Variants in ZNF395 observed in about 807,000 individuals in gnomAD.
ZNF395 encodes HD gene regulatory region-binding protein 2.
A neutral mutation model predicts 57.7 loss-of-function variants in ZNF395; 20 were observed. The ratio of observed to expected loss-of-function variants is 0.35; its 90% CI spans 0.24 to 0.50. ZNF395 has a LOEUF of 0.50. Ranked by LOEUF, ZNF395 falls within the 20% of genes least tolerant of loss-of-function variation. The pLI is 0.97. For missense variants in ZNF395, 606 were observed against 671.2 expected, an observed-to-expected ratio of 0.90 and a Z score of 1.07; for synonymous variants, 295 against 275.9, an observed-to-expected ratio of 1.07 and a Z score of -0.69.
intron 1 of ZNF395, among the ~76,000 whole-genome samples, chr8:28,371,547 G>C (rs1310794307): frequency 1.3e-5 from 2 of 152,180 alleles, no homozygotes; most frequent in African/African-American, 4.8e-5. Context: ...GACCAAACTA[G>C]ATGACCACAT....
chr8:28,381,199 G>A (rs1167573968), intron 1 of ZNF395, among the ~76,000 whole-genome samples: 2 of 152,022 alleles, frequency 1.3e-5, no homozygotes, highest in Non-Finnish European at 2.9e-5. Flanking sequence ...CCACCACCAC[G>A]CCCGGCTAAT....
At chr8:28,372,404 C>T (rs979590172) in intron 1 of ZNF395, among the ~76,000 whole-genome samples, 6 of 152,062 alleles carry the variant, frequency 3.9e-5, no homozygotes, top group East Asian at 1.9e-4. Flanking sequence ...CCAAACCTAT[C>T]GGAAAATTAT....
Position 28,356,206 on chromosome 8 carries a change from C to T in ZNF395, c.583+464G>A, listed in dbSNP as rs1426561102. Among the ~76,000 whole-genome samples the T allele has an allele frequency of 2.0e-5, 3 of 152,204 alleles. No individual in the cohort carries two copies. Among genetic ancestry groups the T allele is most frequent in the Non-Finnish European group, 4.4e-5 (3 of 68,040 alleles). On this transcript the variant is annotated intron_variant, in intron 4 of 9. Transcript: ENST00000344423. The surrounding 1 kb of genome is among the most constrained non-coding windows in gnomAD (Gnocchi z 4.0). ...CAATTAGATTTACTTTAGAATTTAG[C>T]TCATTTATTCCGGGTCCTTGTCCCA...
chr8:28,385,631 GGGGCGCGGGAGGGCC>G (rs970776129), intron 1 of ZNF395, among the ~76,000 whole-genome samples: 152 of 149,516 alleles, frequency 1.0e-3, no homozygotes, highest in Middle Eastern at 3.4e-3. Flanking sequence ...AGAAACGCGC[GGGGCGCGGGAGGGCC>G]GGGCGCGGGA....
intron 7 of ZNF395, 185 bp downstream of exon 7, chr8:28,351,310 A>G (rs1801679142): frequency 1.2e-5 from 7 of 597,874 alleles, no homozygotes; most frequent in Non-Finnish European, 1.9e-5. Flanking sequence ...GCCAATGTAG[A>G]TAACTCCAGG....
chr8:28,348,435 A>G lies in ZNF395; in HGVS notation c.*284T>C. The G allele has an allele frequency of 2.5e-6, 1 of 403,664 alleles. No individual in the cohort carries two copies. Among genetic ancestry groups the G allele is most frequent in the Admixed American group, 3.8e-5 (1 of 26,446 alleles). The allele number at this position is 403,664 out of a possible 1,614,324, so 25.0% of individuals were successfully genotyped here. ...TAGAGAGTGGGGATGTGGGAAACGG[A>G]GGGTAATTAATTCTTTGGTCACTGG... On this transcript the variant is annotated 3_prime_UTR_variant, in exon 10 of 10. Coordinates refer to ENST00000344423, the MANE Select transcript of ZNF395 (RefSeq NM_018660.3).
intron 1 of ZNF395, among the ~76,000 whole-genome samples, chr8:28,380,872 G>A (rs1802100220): frequency 6.6e-6 from 1 of 152,202 alleles, no homozygotes; most frequent in African/African-American, 2.4e-5. Context: ...CTTTGAGACA[G>A]GGTCTCACTG....
rs532611870 is a variant in ZNF395, at chr8:28,356,571, T to C, written c.583+99A>G. 6 of 804,172 alleles carry C rather than the reference T, an allele frequency of 7.5e-6. No homozygotes were observed. The highest frequency in any genetic ancestry group is 1.2e-5 in the Non-Finnish European group (6 of 501,788). The allele number at this position is 804,172 out of a possible 1,614,324, so 49.8% of individuals were successfully genotyped here. On this transcript the variant is annotated intron_variant, in intron 4 of 9. Coordinates refer to ENST00000344423, the MANE Select transcript of ZNF395 (RefSeq NM_018660.3). This position sits in a 1 kb window ranked among gnomAD's most constrained non-coding sequence, Gnocchi z 4.0. ...TGGGAGGTGTCCCTGGACATTCTAT[T>C]GCCAGGCTGGTGACATAGGCAACTA...
rs1801636787 is a variant in ZNF395, at chr8:28,348,569, T to C, written c.*150A>G. 7.6e-6 allele frequency: 5 copies of C among 653,706 alleles called. No individual in the cohort carries two copies. The highest frequency in any genetic ancestry group is 5.7e-5 in the Admixed American group (2 of 35,120). The allele number at this position is 653,706 out of a possible 1,614,324, so 40.5% of individuals were successfully genotyped here. A position where few individuals can be genotyped will look rare whatever the true frequency, so the allele number is the denominator to read the frequency against. ...AAAATGTTCGCACAATGGGAGAAAA[T>C]TGCTTTAAGTGTTACACCTTAGCCA... On this transcript the variant is annotated 3_prime_UTR_variant, in exon 10 of 10. Transcript: ENST00000344423.
At chr8:28,372,800 T>TA (rs1478954610) in intron 1 of ZNF395, among the ~76,000 whole-genome samples, 8 of 152,040 alleles carry the variant, frequency 5.3e-5, no homozygotes, top group Non-Finnish European at 7.4e-5. Context: ...CCGGCGGGGA[T>TA]AAAAAAAGAT....
chr8:28,359,932 G>A lies in ZNF395; in HGVS notation c.241-108C>T. ...CCAGGATCTGCCTGCCACAAACCAT[G>A]TTCTCTGCCTCACTCATCTTTTATT... On this transcript the variant is annotated intron_variant, in intron 2 of 9. Transcript: ENST00000344423. The surrounding 1 kb of genome is among the most constrained non-coding windows in gnomAD (Gnocchi z 4.7). 1 of 1,468,918 alleles carries A rather than the reference G, an allele frequency of 6.8e-7. No individual in the cohort carries two copies. The highest frequency in any genetic ancestry group is 2.4e-5 in the East Asian group (1 of 41,442). The allele number at this position is 1,468,918 out of a possible 1,614,324, so 91.0% of individuals were successfully genotyped here.
At chr8:28,358,272 G>A (rs1285634604) in intron 3 of ZNF395, among the ~76,000 whole-genome samples, 1 of 149,378 alleles carries the variant, frequency 6.7e-6, no homozygotes, top group Non-Finnish European at 1.5e-5. Flanking sequence ...ACCATGCCCA[G>A]CTAATTTTTC....
Position 28,359,857 on chromosome 8 carries a change from C to A in ZNF395, c.241-33G>T, listed in dbSNP as rs1801827608. The A allele has an allele frequency of 6.3e-7, 1 of 1,597,378 alleles. No individual in the cohort carries two copies. The highest frequency in any genetic ancestry group is 8.6e-7 in the Non-Finnish European group (1 of 1,167,638). Reference sequence around the variant, plus strand: ...AAGAGGGACAGCAGTTAGTGGTCAGCCCTGGATGGGTCTCGCCCTGAAGTT... The same window carrying A: ...AAGAGGGACAGCAGTTAGTGGTCAGACCTGGATGGGTCTCGCCCTGAAGTT... On this transcript the variant is annotated intron_variant, in intron 2 of 9. Coordinates refer to ENST00000344423, the MANE Select transcript of ZNF395 (RefSeq NM_018660.3). The surrounding 1 kb of genome is among the most constrained non-coding windows in gnomAD (Gnocchi z 4.7).
intron 1 of ZNF395, among the ~76,000 whole-genome samples, chr8:28,384,321 G>T (rs1424144797): frequency 6.6e-6 from 1 of 152,084 alleles, no homozygotes; most frequent in African/African-American, 2.4e-5. Context: ...ACATTCCCTG[G>T]TATGGCTAAG....
intron 4 of ZNF395, among the ~76,000 whole-genome samples, chr8:28,355,109 ATAAATAC>A (rs1663808388): frequency 6.6e-6 from 1 of 152,164 alleles, no homozygotes; most frequent in Non-Finnish European, 1.5e-5. Context: ...GACACAGGCA[ATAAATAC>A]ACTTTCTATA....
At chr8:28,370,446 G>C (rs1214941081) in intron 1 of ZNF395, among the ~76,000 whole-genome samples, 1 of 152,206 alleles carries the variant, frequency 6.6e-6, no homozygotes, top group East Asian at 1.9e-4. Flanking sequence ...AATAACTGTG[G>C]GCATGAGAAT....
At chr8:28,373,671 A>G (rs1263749498) in intron 1 of ZNF395, among the ~76,000 whole-genome samples, 1 of 152,194 alleles carries the variant, frequency 6.6e-6, no homozygotes, top group African/African-American at 2.4e-5. Context: ...CATACGGGTC[A>G]AAGTCCTCAG....
Position 28,348,760 on chromosome 8 carries a change from C to CCGTGCACCACTGGTCCCGGTG in ZNF395, c.1480_1500dup (p.His494_Thr500dup), listed in dbSNP as rs1801639555. The CCGTGCACCACTGGTCCCGGTG allele has an allele frequency of 1.9e-6, 3 of 1,613,982 alleles. No individual in the cohort carries two copies. The Admixed American group carries it at 5.0e-5, about 27-fold the overall frequency. On this transcript the variant is annotated inframe_insertion, in exon 10 of 10. Transcript: ENST00000344423. ...TGGCAGGCCTTCTTCCACCGGCAGG[C>CCGTGCACCACTGGTCCCGGTG]CGTGCACCACTGGTCCCGGTGCTCG...
intron 4 of ZNF395, 97 bp from the exon 5 acceptor site, chr8:28,353,505 C>T: frequency 1.0e-6 from 1 of 956,030 alleles, no homozygotes; most frequent in Non-Finnish European, 1.5e-6. Context: ...GGAGTTCATT[C>T]ATGGCAGCAA....
Sources: allele counts gnomAD v4.1 joint callset (sites outside exome capture counted in the v4.1 genomes callset), GRCh38; gene constraint gnomAD v4.1.1; non-coding constraint Gnocchi (gnomAD v3.1); transcripts MANE v1.5; gene names NCBI Gene and HGNC (gene_info 2026-07-23, HGNC 2026-07-21).